Variants in CLSTN2 observed in about 807,000 individuals in gnomAD.
CLSTN2 encodes the protein calsyntenin-2.
CLSTN2 carries 48 observed loss-of-function variants against 101.2 expected under a neutral mutation model. The ratio of observed to expected loss-of-function variants is 0.47; its 90% confidence interval spans 0.38 to 0.60. The LOEUF (loss-of-function observed/expected upper bound fraction) is 0.60. Among genes scored for constraint, CLSTN2 ranks in the 20% least tolerant of loss-of-function variants. The probability of loss-of-function intolerance (pLI) is 0.00; values close to 1 mark genes in which losing one functional copy is unlikely to be tolerated. For synonymous variants in CLSTN2, 481 were observed against 463.6 expected, an observed-to-expected ratio of 1.04 and a Z score of -0.48; for missense variants, 1,160 against 1,238.2, an observed-to-expected ratio of 0.94 and a Z score of 0.95.
intron 8 of CLSTN2, among the ~76,000 whole-genome samples, chr3:140,509,596 G>C (rs1488951732): frequency 6.6e-6 from 1 of 152,164 alleles, no homozygotes. Flanking sequence ...CACCTCAGTG[G>C]GGAAAGGAAG....
chr3:140,256,319 A>G (rs1016900240), intron 2 of CLSTN2, among the ~76,000 whole-genome samples: 4 of 152,130 alleles, frequency 2.6e-5, no homozygotes, highest in African/African-American at 9.7e-5. Context: ...AAAGCAACCT[A>G]TGGAATTCTG....
At chr3:140,182,192 T>G (rs548320058) in intron 2 of CLSTN2, among the ~76,000 whole-genome samples, 1 of 152,174 alleles carries the variant, frequency 6.6e-6, no homozygotes, top group Non-Finnish European at 1.5e-5. Context: ...TTAATAATAT[T>G]CGGTTGTATT....
At chr3:139,970,400 G>T (rs1935675570) in intron 1 of CLSTN2, among the ~76,000 whole-genome samples, 1 of 152,150 alleles carries the variant, frequency 6.6e-6, no homozygotes. Context: ...CACAGTACTT[G>T]GCATCATATC....
intron 8 of CLSTN2, among the ~76,000 whole-genome samples, chr3:140,501,097 C>A (rs2107762327): frequency 1.3e-5 from 2 of 152,264 alleles, no homozygotes; most frequent in South Asian, 4.2e-4. Context: ...TCACTTAACA[C>A]ACATGGTGCC....
rs56285902 is a variant in CLSTN2 at position 140,427,188 on chromosome 3, T to A, written c.787+5914T>A. Reference sequence around the variant, plus strand: ...GAGACTGTCTCAAAAAAAAAAAATATATATATATATATATATGTGTATATA... The same window carrying A: ...GAGACTGTCTCAAAAAAAAAAAATAAATATATATATATATATGTGTATATA... On this transcript the variant is annotated intron_variant, in intron 5 of 16. Transcript: ENST00000458420. Among the ~76,000 whole-genome samples, 271 of 81,454 alleles carry A rather than the reference T, an allele frequency of 3.3e-3. 3 individuals are homozygous for A. The highest frequency in any genetic ancestry group is 9.9e-3 in the African/African-American group (124 of 12,492). The allele number at this position is 81,454 out of a possible 152,430, so 53.4% of individuals were successfully genotyped here. A position where few individuals can be genotyped will look rare whatever the true frequency, so the allele number is the denominator to read the frequency against.
At position 140,570,577 on chromosome 3, in the gene CLSTN2, A is replaced by G. The variant is rs943796356; in HGVS notation, c.*4324A>G. 6.6e-6 allele frequency: 1 copy of G among 152,244 alleles called. No individual in the cohort carries two copies. The highest frequency in any genetic ancestry group is 2.4e-5 in the African/African-American group (1 of 41,472). The allele number at this position is 152,244 out of a possible 1,614,324, so 9.4% of individuals were successfully genotyped here. A position where few individuals can be genotyped will look rare whatever the true frequency, so the allele number is the denominator to read the frequency against. On this transcript the variant is annotated 3_prime_UTR_variant, in exon 17 of 17. Coordinates refer to ENST00000458420, the MANE Select transcript of CLSTN2 (RefSeq NM_022131.3). ...AGCTCTCCTATTGTAGCATGAAAAC[A>G]GACAATACGTACAACAAATGAATGT...
chr3:140,550,703 C>T (rs558238176), intron 10 of CLSTN2, among the ~76,000 whole-genome samples: 1 of 151,256 alleles, frequency 6.6e-6, no homozygotes, highest in South Asian at 2.1e-4. Context: ...ATTAAAGAAC[C>T]ATAGCAATTT....
At position 140,259,941 on chromosome 3, in the gene CLSTN2, G is replaced by A. The variant is rs1397252825; in HGVS notation, c.232+83868G>A. 2.6e-5 allele frequency among the ~76,000 whole-genome samples: 4 copies of A among 151,786 alleles called. No homozygotes were observed. In the East Asian group the frequency reaches 7.7e-4, roughly 29 times the overall value. On this transcript the variant is annotated intron_variant, in intron 2 of 16. Coordinates refer to ENST00000458420, the MANE Select transcript of CLSTN2 (RefSeq NM_022131.3). ...ATAAAAATATCTTTTACCCAAACAGGAGAACAGTAGACACCAGGAGCCTAC... is the reference window on the plus strand; with the variant it reads ...ATAAAAATATCTTTTACCCAAACAGAAGAACAGTAGACACCAGGAGCCTAC...
chr3:140,351,095 G>T (rs1460168814), intron 2 of CLSTN2, among the ~76,000 whole-genome samples: 1 of 152,186 alleles, frequency 6.6e-6, no homozygotes, highest in Admixed American at 6.5e-5. Flanking sequence ...GACGCCAACA[G>T]GGAAGACTTC....
chr3:140,037,488 A>G (rs2007676497), intron 1 of CLSTN2, among the ~76,000 whole-genome samples: 1 of 151,948 alleles, frequency 6.6e-6, no homozygotes, highest in Non-Finnish European at 1.5e-5. Context: ...AATAATCTGG[A>G]TGATGTTATG....
intron 2 of CLSTN2, among the ~76,000 whole-genome samples, chr3:140,268,464 G>T (rs949099656): frequency 6.6e-6 from 1 of 152,188 alleles, no homozygotes; most frequent in African/African-American, 2.4e-5. Flanking sequence ...AGTGTTATGG[G>T]TGCTATAATA....
intron 1 of CLSTN2, among the ~76,000 whole-genome samples, chr3:139,956,481 T>A (rs1035599008): frequency 3.3e-5 from 5 of 152,114 alleles, no homozygotes; most frequent in Non-Finnish European, 7.3e-5. Flanking sequence ...AGAGAAGGCG[T>A]TGTTGCTCAC....
At chr3:140,059,626 A>G (rs1003255522) in intron 1 of CLSTN2, among the ~76,000 whole-genome samples, 4 of 152,062 alleles carry the variant, frequency 2.6e-5, no homozygotes, top group African/African-American at 9.7e-5. Flanking sequence ...CAGGGTGGAT[A>G]TAATTATCCT....
intron 1 of CLSTN2, among the ~76,000 whole-genome samples, chr3:140,164,333 G>A (rs1161098265): frequency 6.6e-6 from 1 of 152,040 alleles, no homozygotes; most frequent in East Asian, 1.9e-4. Context: ...GGCATGCTGG[G>A]TCCTGTGTGG....
At chr3:140,546,073 G>A (rs1271547337) in intron 9 of CLSTN2, among the ~76,000 whole-genome samples, 2 of 152,140 alleles carry the variant, frequency 1.3e-5, no homozygotes, top group Admixed American at 1.3e-4. Flanking sequence ...ATGTCCTGGG[G>A]CAACTACCTT....
At chr3:140,338,200 C>G (rs1360536029) in intron 2 of CLSTN2, among the ~76,000 whole-genome samples, 2 of 152,174 alleles carry the variant, frequency 1.3e-5, no homozygotes, top group Non-Finnish European at 2.9e-5. Context: ...ACTGATCTCT[C>G]TCTCTCTCTT....
chr3:140,336,522 G>A (rs901577200), intron 2 of CLSTN2, among the ~76,000 whole-genome samples: 3 of 152,184 alleles, frequency 2.0e-5, no homozygotes, highest in African/African-American at 4.8e-5. Context: ...AGGTGTGCAA[G>A]CCCCAAGGCA....
At chr3:140,388,644 T>G (rs1438545558) in intron 2 of CLSTN2, among the ~76,000 whole-genome samples, 1 of 152,198 alleles carries the variant, frequency 6.6e-6, no homozygotes, top group Non-Finnish European at 1.5e-5. Flanking sequence ...ATTGGGCAAG[T>G]TTCTTCGCCT....
chr3:140,004,761 TTTGA>T (rs1255046075), intron 1 of CLSTN2, among the ~76,000 whole-genome samples: 1 of 152,110 alleles, frequency 6.6e-6, no homozygotes, highest in Non-Finnish European at 1.5e-5. Context: ...CTTGTGCTAA[TTTGA>T]TTGTTATCTT....
Sources: allele counts gnomAD v4.1 joint callset (sites outside exome capture counted in the v4.1 genomes callset), GRCh38; gene constraint gnomAD v4.1.1; transcripts MANE v1.5; gene names NCBI Gene and HGNC (gene_info 2026-07-23, HGNC 2026-07-21).